The following ADAMTS10 variants were observed in gnomAD, a reference collection of about 807,000 sequenced individuals.
The protein encoded by ADAMTS10 is A disintegrin and metalloproteinase with thrombospondin motifs 10.
In ADAMTS10, 48 loss-of-function variants were observed where a neutral mutation model predicts 135.9. The ratio of observed to expected loss-of-function variants is 0.35; its 90% CI spans 0.28 to 0.45. The LOEUF (loss-of-function observed/expected upper bound fraction) is 0.45, where lower values mean the gene tolerates loss of function less well. ADAMTS10 is among the 20% of genes least tolerant of loss of function. ADAMTS10 has a pLI of 1.00. For synonymous variants in ADAMTS10, 621 were observed against 647.5 expected (o/e 0.96, Z 0.62); for missense variants, 1,131 against 1,565.2 (o/e 0.72, Z 4.68).
intron 13 of ADAMTS10, 131 bp downstream of exon 13, chr19:8,592,632 A>G: frequency 1.1e-6 from 1 of 929,876 alleles, no homozygotes. Context: ...CAGCCGAGGG[A>G]GCACAAATGG....
In ADAMTS10 at chr19:8,581,001, C is replaced by G. The variant is rs1555735680; in HGVS notation, c.3204G>C (p.Glu1068Asp). The G allele has an allele frequency of 6.2e-7, 1 of 1,611,750 alleles. No individual in the cohort carries two copies. The highest frequency in any genetic ancestry group is 1.1e-5 in the South Asian group (1 of 90,880). Residue 1068 changes from glutamate to aspartate, a missense_variant and splice_region_variant, in exon 26 of 26, where the codon GAG becomes GAC. Coordinates refer to ENST00000597188, the MANE Select transcript of ADAMTS10 (RefSeq NM_030957.4). The stretch of plus-strand genomic sequence containing the variant: ...AGGCGACCTTGTTCACATCCTTGCA[C>G]TCTGCGGGGACGGGAGAAGGAAGGA... ...DSPTPGDGPEECKDVNKVAYC... is the reference protein window; with the variant it reads ...DSPTPGDGPEDCKDVNKVAYC...
chr19:8,592,570 A>G (rs2042552238), intron 13 of ADAMTS10, among the ~76,000 whole-genome samples, 193 bp downstream of exon 13: 1 of 150,040 alleles, frequency 6.7e-6, no homozygotes, highest in Non-Finnish European at 1.5e-5. Context: ...CAAGGGACGC[A>G]TAGACGGTGG....
rs782205609 is a variant in ADAMTS10, at chr19:8,595,921, C to T, written c.1338-18G>A. 1.9e-6 allele frequency: 3 copies of T among 1,614,168 alleles called. No homozygotes were observed. In the Admixed American group the frequency reaches 5.0e-5, roughly 27 times the overall value. On this transcript the variant is annotated intron_variant, in intron 11 of 25. Coordinates refer to ENST00000597188, the MANE Select transcript of ADAMTS10 (RefSeq NM_030957.4). ...GGCCCGAGCTGCCTCGAGAGAAAAGCAACTGTCATGCTAGGTGGCTGCAAA... is the reference window on the plus strand; with the variant it reads ...GGCCCGAGCTGCCTCGAGAGAAAAGTAACTGTCATGCTAGGTGGCTGCAAA...
chr19:8,586,770 T>A (rs1251326627), intron 19 of ADAMTS10, 46 bp downstream of exon 19: 2 of 1,613,860 alleles, frequency 1.2e-6, no homozygotes, highest in African/African-American at 2.7e-5. Context: ...GAAACCGCCC[T>A]CCCCACTGAC....
At chr19:8,595,320 C>T (rs1007980261) in intron 12 of ADAMTS10, among the ~76,000 whole-genome samples, 1 of 152,128 alleles carries the variant, frequency 6.6e-6, no homozygotes, top group Admixed American at 6.5e-5. Flanking sequence ...AGAGCTCCTC[C>T]AGACAGGGAG....
At chr19:8,590,166 T>C (rs1445744998) in intron 15 of ADAMTS10, among the ~76,000 whole-genome samples, 175 bp from the exon 16 acceptor site, 1 of 152,078 alleles carries the variant, frequency 6.6e-6, no homozygotes, top group Non-Finnish European at 1.5e-5. Context: ...GCTGGGCGTG[T>C]AGACACATCT....
chr19:8,592,958 C>A, intron 12 of ADAMTS10, 88 bp from the exon 13 acceptor site: 1 of 1,239,812 alleles, frequency 8.1e-7, no homozygotes, highest in Non-Finnish European at 1.1e-6. Context: ...AGATGTCCGG[C>A]TCACTGCCGG....
intron 25 of ADAMTS10, among the ~76,000 whole-genome samples, chr19:8,584,119 T>C (rs1433078983): frequency 7.9e-6 from 1 of 127,124 alleles, no homozygotes; most frequent in Non-Finnish European, 1.5e-5. Context: ...ATCAGGTCAC[T>C]GCACTCCAGC....
chr19:8,605,657 G>A lies in ADAMTS10; in HGVS notation c.54C>T (p.Leu18=), dbSNP rs1555742471. Residue 18 remains leucine (L), a synonymous_variant, in exon 3 of 26, where the codon CTC becomes CTT. Transcript: ENST00000597188. This position sits in a 1 kb window ranked among gnomAD's most constrained non-coding sequence, Gnocchi z 7.7. ...LRWALALGLG[L]MFEVTHAFRS... Reference sequence around the variant, plus strand: ...GGAAGGCGTGCGTGACCTCGAACATGAGGCCCAGCCCCAGGGCGAGGGCCC... The same window carrying A: ...GGAAGGCGTGCGTGACCTCGAACATAAGGCCCAGCCCCAGGGCGAGGGCCC... 6.2e-7 allele frequency: 1 copy of A among 1,613,534 alleles called. No homozygotes were observed. The highest frequency in any genetic ancestry group is 1.3e-5 in the African/African-American group (1 of 74,912).
chr19:8,609,295 C>A (rs553749089), intron 1 of ADAMTS10, among the ~76,000 whole-genome samples: 5 of 150,504 alleles, frequency 3.3e-5, no homozygotes, highest in Admixed American at 2.7e-4. Context: ...CCCTCCTCCC[C>A]GAAGGCAGGA....
In ADAMTS10 at chr19:8,581,130, C is replaced by CTTTTTTTTTTTTTTTTTTTT. The variant is rs369050914; in HGVS notation, c.3203-148_3203-129dup. On this transcript the variant is annotated intron_variant, in intron 25 of 25. Coordinates refer to ENST00000597188, the MANE Select transcript of ADAMTS10 (RefSeq NM_030957.4). ...CTTGGTTTCTTTCTTTTTAAATTTACTTTTTTTTTTTTTTTTTTTTTTTTT... is the reference window on the plus strand; with the variant it reads ...CTTGGTTTCTTTCTTTTTAAATTTACTTTTTTTTTTTTTTTTTTTTTTTTTTTTTTTTTTTTTTTTTTTTT... The CTTTTTTTTTTTTTTTTTTTT allele has an allele frequency of 3.7e-4, 55 of 147,306 alleles. 1 individual carries two copies. Among genetic ancestry groups the CTTTTTTTTTTTTTTTTTTTT allele is most frequent in the Admixed American group, 1.3e-3 (8 of 5,928 alleles). 9.1% of individuals were successfully genotyped at this position (147,306 alleles called of 1,614,324 possible). A position where few individuals can be genotyped will look rare whatever the true frequency, so the allele number is the denominator to read the frequency against.
At chr19:8,598,698 C>T (rs28715045) in intron 6 of ADAMTS10, among the ~76,000 whole-genome samples, 25,139 of 150,700 alleles carry the variant, frequency 0.17, 3,144 homozygotes, top group East Asian at 0.7. Context: ...CCTCAGCCTC[C>T]GGAGTAGCTG....
intron 21 of ADAMTS10, 43 bp from the exon 22 acceptor site, chr19:8,586,294 A>C (rs782279692): frequency 6.2e-7 from 1 of 1,613,356 alleles, no homozygotes; most frequent in East Asian, 2.2e-5. Flanking sequence ...CTCCCGGCCC[A>C]GAGAACCTCA....
chr19:8,600,919 G>C lies in ADAMTS10; in HGVS notation c.810+9C>G. 2 of 1,614,048 alleles carry C rather than the reference G, an allele frequency of 1.2e-6. No homozygotes were observed. The highest frequency in any genetic ancestry group is 1.7e-6 in the Non-Finnish European group (2 of 1,180,030). Reference sequence around the variant, plus strand: ...AGGGCTGCGTGCCCAGGGAGGGGAAGGCACTTACAATGTTCATGATGGCCA... The same window carrying C: ...AGGGCTGCGTGCCCAGGGAGGGGAACGCACTTACAATGTTCATGATGGCCA... On this transcript the variant is annotated intron_variant, in intron 6 of 25. Transcript: ENST00000597188.
At chr19:8,588,770 A>G (rs1316050094) in intron 18 of ADAMTS10, among the ~76,000 whole-genome samples, 1 of 151,836 alleles carries the variant, frequency 6.6e-6, no homozygotes, top group Non-Finnish European at 1.5e-5. Context: ...CAGAGGAGAC[A>G]GATTCGGGCT....
chr19:8,586,594 T>C lies in ADAMTS10; in HGVS notation c.2367A>G (p.Glu789=). 6.2e-7 allele frequency: 1 copy of C among 1,614,024 alleles called. No homozygotes were observed. Residue 789 remains glutamate, a synonymous_variant, in exon 20 of 26, where the codon GAA becomes GAG. Coordinates refer to ENST00000597188, the MANE Select transcript of ADAMTS10 (RefSeq NM_030957.4). ...GAGATGCATTAATCGGTCCCAGGGC[T>C]TCGAGGCTCTGGACCTGGTCTGGCC... ...RQGPDQVQSL[E]ALGPINASLI...
intron 6 of ADAMTS10, among the ~76,000 whole-genome samples, chr19:8,598,363 G>A (rs1375106106): frequency 2.0e-5 from 3 of 151,834 alleles, no homozygotes; most frequent in South Asian, 2.1e-4. Context: ...ACATGTCTGA[G>A]TTCATTCCAC....
chr19:8,598,907 G>A (rs1166855156), intron 6 of ADAMTS10, among the ~76,000 whole-genome samples: 1 of 151,608 alleles, frequency 6.6e-6, no homozygotes, highest in Non-Finnish European at 1.5e-5. Flanking sequence ...AAGCCCTAGG[G>A]AGAGAGGCCA....
intron 2 of ADAMTS10, among the ~76,000 whole-genome samples, chr19:8,606,340 A>G (rs2042721718): frequency 6.6e-6 from 1 of 152,118 alleles, no homozygotes; most frequent in Non-Finnish European, 1.5e-5. Flanking sequence ...TGGGATTACA[A>G]GCATGAGCCA....
Sources: gnomAD v4.1 joint callset for allele counts (sites outside exome capture counted in the v4.1 genomes callset) on GRCh38, gnomAD v4.1.1 for gene constraint, Gnocchi (gnomAD v3.1) non-coding constraint, MANE v1.5 for transcripts, NCBI Gene and HGNC (gene_info 2026-07-23, HGNC 2026-07-21) for gene names.